The following CSNK2A2IP variants were observed in gnomAD, a reference collection of about 807,000 sequenced individuals.
The protein encoded by CSNK2A2IP is casein kinase 2 subunit alpha' interacting protein, also known as casein kinase II subunit alpha'-interacting protein.
chr3:88,445,976 CTCTTTCTTTCTTT>C, the CSNK2A2IP span, among the ~76,000 whole-genome samples: 3 of 145,628 alleles, frequency 2.1e-5, no homozygotes, highest in Admixed American at 6.7e-5. Flanking sequence ...CTCCCTCTCT[CTCTTTCTTTCTTT>C]TTTCTTTCTT....
chr3:88,389,141 A>G, the CSNK2A2IP span, among the ~76,000 whole-genome samples: 5 of 152,160 alleles, frequency 3.3e-5, no homozygotes, highest in African/African-American at 1.2e-4. Context: ...ACAATAAGAG[A>G]GCACCAAATA....
At chr3:88,359,220 T>C in the CSNK2A2IP span, among the ~76,000 whole-genome samples, 2 of 151,870 alleles carry the variant, frequency 1.3e-5, no homozygotes, top group Non-Finnish European at 2.9e-5. Flanking sequence ...TTCTGTGGCA[T>C]CAGTTGTAAT....
At chr3:88,436,159 A>G in the CSNK2A2IP span, among the ~76,000 whole-genome samples, 3 of 152,108 alleles carry the variant, frequency 2.0e-5, no homozygotes, top group Non-Finnish European at 4.4e-5. Context: ...GGTGAAATAC[A>G]TTATATTTTA....
the CSNK2A2IP span, among the ~76,000 whole-genome samples, chr3:88,429,083 A>G: frequency 1.2e-4 from 18 of 151,024 alleles, no homozygotes; most frequent in African/African-American, 4.4e-4. Context: ...CTATTGATTT[A>G]CTTGTATTGT....
At chr3:88,466,620 T>A in the CSNK2A2IP span, 1 of 1,231,280 alleles carries the variant, frequency 8.1e-7, no homozygotes, top group Non-Finnish European at 1.0e-6. Flanking sequence ...AGCCCTGCAT[T>A]GTTAAAGGTG....
At chr3:88,389,127 T>C in the CSNK2A2IP span, among the ~76,000 whole-genome samples, 436 of 151,954 alleles carry the variant, frequency 2.9e-3, 5 homozygotes, top group African/African-American at 9.8e-3. Flanking sequence ...TAGTGTTCCA[T>C]AGAACAATAA....
At chr3:88,400,683 T>C in the CSNK2A2IP span, among the ~76,000 whole-genome samples, 1 of 152,122 alleles carries the variant, frequency 6.6e-6, no homozygotes, top group Admixed American at 6.6e-5. Flanking sequence ...AAACTAGGAA[T>C]TATAGGTGGC....
the CSNK2A2IP span, among the ~76,000 whole-genome samples, chr3:88,419,849 G>A: frequency 6.6e-6 from 1 of 152,026 alleles, no homozygotes; most frequent in Admixed American, 6.6e-5. Flanking sequence ...AAAACCGTTT[G>A]CTTTAAGTGT....
the CSNK2A2IP span, among the ~76,000 whole-genome samples, chr3:88,450,620 G>A: frequency 6.6e-6 from 1 of 152,152 alleles, no homozygotes; most frequent in East Asian, 1.9e-4. Flanking sequence ...TAGCAAGATC[G>A]GGTTCTTTTT....
chr3:88,439,247 A>G, the CSNK2A2IP span, among the ~76,000 whole-genome samples: 2 of 152,184 alleles, frequency 1.3e-5, no homozygotes, highest in Admixed American at 6.5e-5. Context: ...TGCCTTGTTA[A>G]TAAGTTGAAT....
chr3:88,379,468 G>A, the CSNK2A2IP span, among the ~76,000 whole-genome samples: 1 of 152,012 alleles, frequency 6.6e-6, no homozygotes, highest in African/African-American at 2.4e-5. Flanking sequence ...ATATGCTTGT[G>A]CAATTAATAG....
the CSNK2A2IP span, among the ~76,000 whole-genome samples, chr3:88,392,539 T>G: frequency 6.6e-6 from 1 of 151,962 alleles, no homozygotes; most frequent in Non-Finnish European, 1.5e-5. Context: ...ACATGAAAAT[T>G]TAGTAAAGAG....
At chr3:88,351,477 CA>C in the CSNK2A2IP span, among the ~76,000 whole-genome samples, 4 of 151,900 alleles carry the variant, frequency 2.6e-5, no homozygotes, top group East Asian at 7.8e-4. Context: ...AAGCCCAAAA[CA>C]AAAAAGTTAC....
the CSNK2A2IP span, among the ~76,000 whole-genome samples, chr3:88,446,128 T>C: frequency 6.7e-6 from 1 of 149,994 alleles, no homozygotes; most frequent in Non-Finnish European, 1.5e-5. Flanking sequence ...TTTTTCTTTC[T>C]TTCTTGTCCC....
chr3:88,358,289 T>TTGAC, the CSNK2A2IP span, among the ~76,000 whole-genome samples: 3,877 of 152,292 alleles, frequency 0.025, 100 homozygotes, highest in East Asian at 0.074. Context: ...CAAAGATAAT[T>TTGAC]TGACTTTTTC....
At chr3:88,431,265 CTT>C in the CSNK2A2IP span, 1 of 152,222 alleles carries the variant, frequency 6.6e-6, no homozygotes, top group African/African-American at 2.4e-5. Context: ...TTGTTCTACT[CTT>C]TCCTTTTTCC....
chr3:88,365,249 G>C, the CSNK2A2IP span, among the ~76,000 whole-genome samples: 1 of 152,170 alleles, frequency 6.6e-6, no homozygotes, highest in Non-Finnish European at 1.5e-5. Context: ...ACAGCTTTGA[G>C]TAATTTTAAA....
chr3:88,366,961 G>A, the CSNK2A2IP span, among the ~76,000 whole-genome samples: 2 of 151,964 alleles, frequency 1.3e-5, no homozygotes, highest in South Asian at 2.1e-4. Context: ...AAAATCATCC[G>A]ATCTCTTGAG....
chr3:88,380,651 G>A, the CSNK2A2IP span, among the ~76,000 whole-genome samples: 10 of 151,878 alleles, frequency 6.6e-5, no homozygotes, highest in East Asian at 7.7e-4. Flanking sequence ...TTATACTTTC[G>A]TTGACTGGAA....
Sources: allele counts gnomAD v4.1 joint callset (sites outside exome capture counted in the v4.1 genomes callset), GRCh38; gene constraint gnomAD v4.1.1; transcripts MANE v1.5; gene names NCBI Gene and HGNC (gene_info 2026-07-23, HGNC 2026-07-21).